Variants in PRKAA1 observed in about 807,000 individuals in gnomAD.
PRKAA1 encodes 5'-AMP-activated protein kinase catalytic subunit alpha-1.
PRKAA1 carries 23 observed loss-of-function variants against 56.9 expected under a neutral mutation model. The ratio of observed to expected loss-of-function variants is 0.40; its 90% CI spans 0.29 to 0.57. The LOEUF is 0.57. Among genes scored for constraint, PRKAA1 ranks in the 20% least tolerant of loss-of-function variants. The pLI is 0.39. For missense variants in PRKAA1, 413 were observed against 679.7 expected (o/e 0.61, Z 4.36); for synonymous variants, 226 against 227.0 (o/e 1.00, Z 0.04).
chr5:40,766,762 A>G (rs1333526328), intron 6 of PRKAA1, among the ~76,000 whole-genome samples: 1 of 152,086 alleles, frequency 6.6e-6, no homozygotes, highest in Non-Finnish European at 1.5e-5. Context: ...ACTGGGAGGG[A>G]AAGGCACAAG....
At position 40,790,538 on chromosome 5, in the gene PRKAA1, T is replaced by TTTTG. The variant is rs1554033607; in HGVS notation, c.127+7524_127+7525insCAAA. On this transcript the variant is annotated intron_variant, in intron 1 of 8. Transcript: ENST00000397128. The stretch of plus-strand genomic sequence containing the variant: ...AGTCAACTCTTTCTTTTTTTTTTTT[T>TTTTG]TTGTTGTTGTTGTTGTTGTTGAGAT... Among the ~76,000 whole-genome samples, 97 of 145,458 alleles carry TTTTG rather than the reference T, an allele frequency of 6.7e-4. 1 individual carries two copies. Among genetic ancestry groups the TTTTG allele is most frequent in the East Asian group, 5.7e-3 (27 of 4,708 alleles).
intron 2 of PRKAA1, 193 bp downstream of exon 2, chr5:40,777,252 A>T (rs1309002399): frequency 8.6e-6 from 4 of 463,334 alleles, no homozygotes; most frequent in Non-Finnish European, 1.5e-5. Context: ...ACCTCAGGTG[A>T]TCCGCCTGCC....
intron 1 of PRKAA1, among the ~76,000 whole-genome samples, chr5:40,785,203 A>C (rs760300077): frequency 1.1e-4 from 17 of 152,166 alleles, no homozygotes; most frequent in Admixed American, 3.3e-4. Context: ...TATCAATTTC[A>C]ATGTCTTAGG....
At position 40,769,481 on chromosome 5, in the gene PRKAA1, A is replaced by G. The variant is rs1399636102; in HGVS notation, c.531T>C (p.Asp177=). ...CACAACTTGTTCTTAAAAATTCACC[A>G]TCTGACATCATGTTTGAAAGACCTG... The part of the protein sequence containing the change: ...ADFGLSNMMS[D]GEFLRTSCGS... The change falls in exon 5 of 9, where the codon GAT becomes GAC. Residue 177 remains aspartate, a synonymous_variant. Coordinates refer to ENST00000397128, the MANE Select transcript of PRKAA1 (RefSeq NM_006251.6). 6.2e-7 allele frequency: 1 copy of G among 1,609,660 alleles called. No individual in the cohort carries two copies. Among genetic ancestry groups the G allele is most frequent in the Non-Finnish European group, 8.5e-7 (1 of 1,177,446 alleles).
rs745698469 is a variant in PRKAA1, at chr5:40,762,233, T to A, written c.*545A>T. On this transcript the variant is annotated 3_prime_UTR_variant, in exon 9 of 9. Coordinates refer to ENST00000397128, the MANE Select transcript of PRKAA1 (RefSeq NM_006251.6). The stretch of plus-strand genomic sequence containing the variant: ...GTTGCAGTGAGCCGAGACCACACCA[T>A]TGCACTCCAGCCTGGGTGACAAAGT... 6.4e-6 allele frequency: 1 copy of A among 155,096 alleles called. No individual in the cohort carries two copies. The highest frequency in any genetic ancestry group is 2.4e-5 in the African/African-American group (1 of 41,384). 9.6% of individuals were successfully genotyped at this position (155,096 alleles called of 1,614,324 possible).
intron 1 of PRKAA1, among the ~76,000 whole-genome samples, chr5:40,792,927 C>T (rs913171479): frequency 1.3e-5 from 2 of 151,648 alleles, no homozygotes; most frequent in African/African-American, 4.8e-5. Context: ...AATAGCTGGG[C>T]GTAGTGGTGG....
At chr5:40,773,291 GTATC>G (rs1169348520) in intron 3 of PRKAA1, among the ~76,000 whole-genome samples, 1 of 152,032 alleles carries the variant, frequency 6.6e-6, no homozygotes, top group Non-Finnish European at 1.5e-5. Flanking sequence ...AAAAAAAAGA[GTATC>G]TGTTCAAATA....
At chr5:40,776,035 C>T (rs1248110562) in intron 2 of PRKAA1, among the ~76,000 whole-genome samples, 1 of 152,082 alleles carries the variant, frequency 6.6e-6, no homozygotes, top group Non-Finnish European at 1.5e-5. Context: ...GAAAAGCTAT[C>T]GTACGTTTTA....
At chr5:40,794,084 A>G (rs866238786) in intron 1 of PRKAA1, among the ~76,000 whole-genome samples, 1 of 149,496 alleles carries the variant, frequency 6.7e-6, no homozygotes, top group East Asian at 1.9e-4. Flanking sequence ...CCTGGGTGAC[A>G]AGAGCAAAAC....
intron 5 of PRKAA1, chr5:40,768,884 C>G (rs1743594922): frequency 6.4e-7 from 1 of 1,562,494 alleles, no homozygotes; most frequent in Admixed American, 1.8e-5. Context: ...TTCATGTTCT[C>G]AATGCTGGTA....
intron 6 of PRKAA1, among the ~76,000 whole-genome samples, chr5:40,766,718 G>A (rs568513329): frequency 1.4e-4 from 22 of 152,126 alleles, no homozygotes; most frequent in African/African-American, 3.9e-4. Flanking sequence ...TAATCCTAAC[G>A]CCAGGCATAC....
rs759413392 is a variant in PRKAA1 at position 40,768,441 on chromosome 5, G to A, written c.597-751C>T. 7.6e-4 allele frequency: 706 copies of A among 929,096 alleles called. 3 individuals are homozygous for A. The highest frequency in any genetic ancestry group is 8.5e-4 in the Non-Finnish European group (661 of 778,864). The allele number at this position is 929,096 out of a possible 1,614,324, so 57.6% of individuals were successfully genotyped here. On this transcript the variant is annotated intron_variant, in intron 5 of 8. Coordinates refer to ENST00000397128, the MANE Select transcript of PRKAA1 (RefSeq NM_006251.6). ...AATAACAACTTTCCACAGTCTCCAT[G>A]TCCTGAATTGTTTTATTCCTAAAAG...
chr5:40,770,490 C>T (rs1195024824), intron 4 of PRKAA1, among the ~76,000 whole-genome samples: 1 of 151,452 alleles, frequency 6.6e-6, no homozygotes. Context: ...AAAAAGTTAT[C>T]TGATTTGAAC....
intron 3 of PRKAA1, among the ~76,000 whole-genome samples, chr5:40,773,152 T>C (rs544807118): frequency 6.6e-6 from 1 of 152,222 alleles, no homozygotes; most frequent in East Asian, 1.9e-4. Flanking sequence ...GCATGGATAA[T>C]ATGGGAGAAA....
rs369722345 is a variant in PRKAA1, at chr5:40,762,956, C to A, written c.1502G>T (p.Arg501Leu). 10 of 1,613,958 alleles carry A rather than the reference C, an allele frequency of 6.2e-6. No homozygotes were observed. In the Admixed American group the frequency reaches 1.5e-4, roughly 24 times the overall value. The change falls in exon 9 of 9, where the codon CGA (arginine) becomes CTA (leucine). Residue 501 changes from arginine to leucine, a missense_variant. By Grantham distance (102) the Arg-to-Leu change is moderately radical. Transcript: ENST00000397128. ...ATCTGAATCACTCCTTTGGCAAGAT[C>A]GATAGTTGCTAACTGATCCCGATCT... ...PQRSGSVSNY[R>L]SCQRSDSDAE...
At position 40,777,554 on chromosome 5, in the gene PRKAA1, C is replaced by A; in HGVS notation, c.160G>T (p.Ala54Ser). ...TTCTGTCGATTGAGTATCTTCACAG[C>A]TACTTTATGCCCAGTCAATTCATGT... is the stretch of plus-strand genomic sequence containing the variant. ...GKHELTGHKV[A>S]VKILNRQKIR... Residue 54 changes from alanine (A) to serine (S), a missense_variant, in exon 2 of 9, where the codon GCT becomes TCT. Physicochemically the swap from Ala to Ser is moderately conservative, Grantham distance 99. Coordinates refer to ENST00000397128, the MANE Select transcript of PRKAA1 (RefSeq NM_006251.6). 1.2e-6 allele frequency: 2 copies of A among 1,612,894 alleles called. No homozygotes were observed. Among genetic ancestry groups the A allele is most frequent in the South Asian group, 2.2e-5 (2 of 90,970 alleles).
chr5:40,763,828 T>A (rs1427353666), intron 8 of PRKAA1, among the ~76,000 whole-genome samples: 3 of 152,244 alleles, frequency 2.0e-5, no homozygotes, highest in African/African-American at 7.2e-5. Flanking sequence ...TGTGTCTTTC[T>A]GCTACTATGT....
intron 5 of PRKAA1, 120 bp downstream of exon 5, chr5:40,769,296 A>G (rs969098859): frequency 2.6e-6 from 2 of 778,764 alleles, no homozygotes; most frequent in African/African-American, 3.5e-5. Context: ...AATGTGGTTA[A>G]GAATAAGCCT....
intron 1 of PRKAA1, among the ~76,000 whole-genome samples, chr5:40,797,175 G>C (rs969086827): frequency 5.9e-5 from 9 of 152,190 alleles, no homozygotes; most frequent in Admixed American, 2.0e-4. Context: ...TGGGCTTTTA[G>C]TGTACCCGTC....
Sources: allele counts gnomAD v4.1 joint callset (sites outside exome capture counted in the v4.1 genomes callset), GRCh38; gene constraint gnomAD v4.1.1; transcripts MANE v1.5; gene names NCBI Gene and HGNC (gene_info 2026-07-23, HGNC 2026-07-21).